RFX4: variants seen among roughly 807,000 people sequenced by gnomAD.
The protein encoded by RFX4 is transcription factor RFX4.
RFX4 carries 10 observed loss-of-function variants against 95.0 expected under a neutral mutation model. The observed-to-expected ratio is 0.11, with a 90% CI of 0.06 to 0.18. RFX4 has a LOEUF of 0.18. Among genes scored for constraint, RFX4 ranks in the 10% least tolerant of loss-of-function variants. The pLI is 1.00. For missense variants in RFX4, 640 were observed against 922.0 expected, an observed-to-expected ratio of 0.69 and a Z score of 3.96; for synonymous variants, 321 against 340.7, an observed-to-expected ratio of 0.94 and a Z score of 0.64.
At chr12:106,625,464 T>C (rs887409132) in intron 2 of RFX4, among the ~76,000 whole-genome samples, 1 of 152,198 alleles carries the variant, frequency 6.6e-6, no homozygotes, top group African/African-American at 2.4e-5. Flanking sequence ...ACTTCCAATC[T>C]AAACAATTGC....
Position 106,614,477 on chromosome 12 carries a change from CTGTGTGTGTG to C in RFX4, c.130+5628_130+5637del, listed in dbSNP as rs34226201. On this transcript the variant is annotated intron_variant, in intron 2 of 17. Transcript: ENST00000392842. ...CCCGGCCCTTCTTCACGTCTTTTGC[CTGTGTGTGTG>C]TGTGTGTGTGTGTGTGTGTGTGTGT... Among the ~76,000 whole-genome samples, 1,136 of 127,844 alleles carry C rather than the reference CTGTGTGTGTG, an allele frequency of 8.9e-3. 9 individuals carry two copies. Among genetic ancestry groups the C allele is most frequent in the African/African-American group, 0.031 (1,064 of 34,004 alleles). The allele number at this position is 127,844 out of a possible 152,430, so 83.9% of individuals were successfully genotyped here.
chr12:106,645,632 A>C (rs1431919924), intron 3 of RFX4, among the ~76,000 whole-genome samples: 1 of 152,240 alleles, frequency 6.6e-6, no homozygotes, highest in Non-Finnish European at 1.5e-5. Flanking sequence ...ATGTTCTGGA[A>C]GGTCATAGGT....
Position 106,696,412 on chromosome 12 carries a change from C to A in RFX4, c.799C>A (p.Leu267Met). The stretch of plus-strand genomic sequence containing the variant: ...CCTCTACAAAGCTATCTCCGGGGTG[C>A]TGATGCCCACTGTGCTGCAGGCATT... ...SILYKAISGV[L>M]MPTVLQALPD... Residue 267 changes from leucine to methionine, a missense_variant, in exon 8 of 18, where the codon CTG becomes ATG. Physicochemically the swap from Leu to Met is conservative, Grantham distance 15. Around this residue, in one of 7 missense-constraint regions of RFX4, gnomAD observed 96 missense variants for 183.7 expected, o/e 0.52. Coordinates refer to ENST00000392842, the MANE Select transcript of RFX4 (RefSeq NM_213594.3). 1 of 1,614,112 alleles carries A rather than the reference C, an allele frequency of 6.2e-7. No homozygotes were observed. The highest frequency in any genetic ancestry group is 8.5e-7 in the Non-Finnish European group (1 of 1,180,010).
At chr12:106,671,083 C>G (rs1223905351) in intron 4 of RFX4, among the ~76,000 whole-genome samples, 2 of 152,116 alleles carry the variant, frequency 1.3e-5, no homozygotes, top group Non-Finnish European at 2.9e-5. Context: ...TTACCCACAC[C>G]TAAAATGACC....
At chr12:106,760,141 G>A (rs2136108537) in intron 17 of RFX4, among the ~76,000 whole-genome samples, 1 of 152,224 alleles carries the variant, frequency 6.6e-6, no homozygotes. Flanking sequence ...GGGAGCAGAA[G>A]AATTCATACA....
At chr12:106,584,526 G>T (rs934254538) in intron 1 of RFX4, among the ~76,000 whole-genome samples, 2 of 152,128 alleles carry the variant, frequency 1.3e-5, no homozygotes, top group South Asian at 2.1e-4. Context: ...AGCCCCGGCC[G>T]TCCCCTGAGC....
chr12:106,672,696 G>A (rs1470274646), intron 4 of RFX4, among the ~76,000 whole-genome samples: 1 of 151,486 alleles, frequency 6.6e-6, no homozygotes, highest in Non-Finnish European at 1.5e-5. Context: ...TCAGATTCAG[G>A]GACCAGTTGA....
intron 3 of RFX4, among the ~76,000 whole-genome samples, chr12:106,647,281 T>G (rs1358509672): frequency 2.0e-5 from 3 of 152,180 alleles, no homozygotes; most frequent in African/African-American, 7.2e-5. Context: ...GCATCATACC[T>G]GAGTTCATAC....
chr12:106,696,364 A>G lies in RFX4; in HGVS notation c.751A>G (p.Ile251Val). 2 of 1,614,072 alleles carry G rather than the reference A, an allele frequency of 1.2e-6. No individual in the cohort carries two copies. The highest frequency in any genetic ancestry group is 1.7e-6 in the Non-Finnish European group (2 of 1,180,002). ...GCTGGGCTCCTCCACGGTGGTGAAC[A>G]TTGTCGGCGTGTGTGACTCCATCCT... ...PVLGSSTVVN[I>V]VGVCDSILYK... Residue 251 changes from isoleucine (I) to valine (V), a missense_variant, in exon 8 of 18, where the codon ATT (isoleucine) becomes GTT (valine). Ile to Val is a conservative substitution (Grantham distance 29). Around this residue, in one of 7 missense-constraint regions of RFX4, gnomAD observed 96 missense variants for 183.7 expected, o/e 0.52. Transcript: ENST00000392842.
chr12:106,723,796 C>T (rs1451678690), intron 13 of RFX4, among the ~76,000 whole-genome samples: 1 of 152,172 alleles, frequency 6.6e-6, no homozygotes, highest in Non-Finnish European at 1.5e-5. Context: ...TTCAGGCCCC[C>T]ACCAAGCACT....
chr12:106,732,972 C>A lies in RFX4; in HGVS notation c.1520C>A (p.Pro507His). The stretch of plus-strand genomic sequence containing the variant: ...TTGACAGAGGCTGCCGCACCAACCC[C>A]TTCACCAGTGCCATCGTTTTCTCCA... ...IILTEAAAPTPSPVPSFSPAK... is the reference protein window; with the variant it reads ...IILTEAAAPTHSPVPSFSPAK... Residue 507 changes from proline to histidine, a missense_variant, in exon 15 of 18, where the codon CCT becomes CAT. Pro to His is a moderately conservative substitution (Grantham distance 77). Transcript: ENST00000392842. 1.2e-6 allele frequency: 2 copies of A among 1,614,178 alleles called. No homozygotes were observed. Among genetic ancestry groups the A allele is most frequent in the South Asian group, 2.2e-5 (2 of 91,084 alleles).
At chr12:106,708,232 G>C (rs1456123574) in intron 8 of RFX4, among the ~76,000 whole-genome samples, 1 of 152,182 alleles carries the variant, frequency 6.6e-6, no homozygotes, top group Admixed American at 6.5e-5. Flanking sequence ...AAAGCAGCAG[G>C]GGATGGCAAG....
Position 106,758,360 on chromosome 12 carries a change from G to T in RFX4, c.1936-2837G>T, listed in dbSNP as rs2043147026. On this transcript the variant is annotated intron_variant, in intron 17 of 17. Coordinates refer to ENST00000392842, the MANE Select transcript of RFX4 (RefSeq NM_213594.3). ...TGCAATTAGCTGACCTAACGGGACAGAATTTTCCATGCTGGATTCTGTGGT... is the reference window on the plus strand; with the variant it reads ...TGCAATTAGCTGACCTAACGGGACATAATTTTCCATGCTGGATTCTGTGGT... 2.0e-5 allele frequency among the ~76,000 whole-genome samples: 3 copies of T among 152,220 alleles called. No homozygotes were observed. In the South Asian group the frequency reaches 6.2e-4, roughly 32 times the overall value.
At chr12:106,667,365 G>C (rs1440773538) in intron 4 of RFX4, among the ~76,000 whole-genome samples, 1 of 152,114 alleles carries the variant, frequency 6.6e-6, no homozygotes, top group Non-Finnish European at 1.5e-5. Flanking sequence ...CTGAAAGCAG[G>C]CCTTGTTAAG....
intron 17 of RFX4, among the ~76,000 whole-genome samples, chr12:106,758,068 A>G (rs988001326): frequency 6.6e-6 from 1 of 152,238 alleles, no homozygotes; most frequent in Admixed American, 6.5e-5. Flanking sequence ...ACTTGCTGTT[A>G]TGGGCCCTCA....
At chr12:106,727,914 C>T (rs1311018245) in intron 13 of RFX4, among the ~76,000 whole-genome samples, 2 of 152,152 alleles carry the variant, frequency 1.3e-5, no homozygotes, top group African/African-American at 2.4e-5. Flanking sequence ...CCACCGCGCC[C>T]GGCCCTGAAT....
rs751605819 is a variant in RFX4, at chr12:106,696,261, T to C, written c.670-22T>C. Reference sequence around the variant, plus strand: ...AGGGCCCTGGGTAACCTCATGATTCTTCTCTCTGTGGGTCAATACAGGTTC... The same window carrying C: ...AGGGCCCTGGGTAACCTCATGATTCCTCTCTCTGTGGGTCAATACAGGTTC... On this transcript the variant is annotated intron_variant, in intron 7 of 17. Transcript: ENST00000392842. 8.7e-6 allele frequency: 14 copies of C among 1,613,698 alleles called. No homozygotes were observed. In the Middle Eastern group the frequency reaches 5.0e-4, roughly 57 times the overall value.
chr12:106,646,210 TAA>T (rs2040740374), intron 3 of RFX4, among the ~76,000 whole-genome samples: 1 of 151,838 alleles, frequency 6.6e-6, no homozygotes, highest in Non-Finnish European at 1.5e-5. Flanking sequence ...GCCTTATTCA[TAA>T]TGGCAAAGTG....
chr12:106,603,814 A>G (rs568741753), intron 1 of RFX4, among the ~76,000 whole-genome samples: 1 of 152,242 alleles, frequency 6.6e-6, no homozygotes, highest in African/African-American at 2.4e-5. Context: ...ATAAATAGAG[A>G]TATGAAAACA....
Sources: gnomAD v4.1 joint callset for allele counts (sites outside exome capture counted in the v4.1 genomes callset) on GRCh38, gnomAD v4.1.1 for gene constraint, gnomAD v4.1.1 regional missense constraint, MANE v1.5 for transcripts, NCBI Gene and HGNC (gene_info 2026-07-23, HGNC 2026-07-21) for gene names.